DCC: variants seen among roughly 807,000 people sequenced by gnomAD.
DCC encodes the protein DCC netrin 1 receptor.
Under a neutral mutation model 172.5 loss-of-function variants are expected in DCC, and 58 were observed. That is an observed-to-expected ratio of 0.34 (90% confidence interval 0.27 to 0.42). DCC has a LOEUF of 0.42. Among genes scored for constraint, DCC ranks in the 10% least tolerant of loss-of-function variants. The pLI, the probability that DCC is intolerant of heterozygous loss-of-function variation, is 1.00. For missense variants in DCC, 1,740 were observed against 1,791.0 expected, an observed-to-expected ratio of 0.97 and a Z score of 0.51; for synonymous variants, 709 against 644.5, an observed-to-expected ratio of 1.10 and a Z score of -1.52.
chr18:53,130,095 G>C (rs900714869), intron 7 of DCC, among the ~76,000 whole-genome samples: 5 of 151,948 alleles, frequency 3.3e-5, no homozygotes, highest in African/African-American at 1.2e-4. Context: ...CTTTTTGCTT[G>C]TCTATTTTTC....
chr18:52,882,090 G>T (rs1333479091), intron 2 of DCC, among the ~76,000 whole-genome samples: 3 of 152,002 alleles, frequency 2.0e-5, no homozygotes, highest in Non-Finnish European at 4.4e-5. Context: ...TTCTTTTTCA[G>T]ATTGTTCAGT....
chr18:53,337,891 G>C (rs902589697), intron 14 of DCC, among the ~76,000 whole-genome samples: 2 of 152,164 alleles, frequency 1.3e-5, no homozygotes, highest in African/African-American at 4.8e-5. Context: ...AGATTTCCTT[G>C]CATAATTTGG....
chr18:52,867,330 T>C (rs9956644), intron 2 of DCC, among the ~76,000 whole-genome samples: 120,557 of 152,092 alleles, frequency 0.79, 49,551 homozygotes, highest in Non-Finnish European at 0.89. Flanking sequence ...GGATATTGGC[T>C]TGAAATTTTC....
chr18:52,620,311 A>T (rs2034455798), intron 1 of DCC, among the ~76,000 whole-genome samples: 1 of 152,184 alleles, frequency 6.6e-6, no homozygotes, highest in Admixed American at 6.5e-5. Context: ...GCAGGAAGGG[A>T]GCTACACTAA....
At chr18:52,469,673 C>T (rs571493804) in intron 1 of DCC, among the ~76,000 whole-genome samples, 1 of 152,256 alleles carries the variant, frequency 6.6e-6, no homozygotes, top group African/African-American at 2.4e-5. Flanking sequence ...TCAGGATATA[C>T]TAATTGTTGT....
intron 24 of DCC, among the ~76,000 whole-genome samples, chr18:53,461,384 A>G (rs34876540): frequency 0.45 from 68,202 of 150,796 alleles, 17,051 homozygotes; most frequent in Non-Finnish European, 0.58. Context: ...GGTAATGCCT[A>G]GGTTTTCTTC....
chr18:52,396,892 G>A (rs1986250692), intron 1 of DCC, among the ~76,000 whole-genome samples: 1 of 152,016 alleles, frequency 6.6e-6, no homozygotes, highest in Non-Finnish European at 1.5e-5. Context: ...GATCCTCTAA[G>A]AGAGGGCATA....
chr18:52,928,935 A>G (rs1255429986), intron 5 of DCC, among the ~76,000 whole-genome samples: 1 of 152,104 alleles, frequency 6.6e-6, no homozygotes, highest in Non-Finnish European at 1.5e-5. Context: ...AATGGAGAGC[A>G]CTTGCTCTCT....
chr18:52,352,992 G>C (rs926346713), intron 1 of DCC, among the ~76,000 whole-genome samples: 2 of 152,150 alleles, frequency 1.3e-5, no homozygotes. Flanking sequence ...ATAGGGAGGT[G>C]ATCCTTGCCT....
intron 5 of DCC, among the ~76,000 whole-genome samples, chr18:52,972,108 G>C (rs957581110): frequency 6.6e-6 from 1 of 152,146 alleles, no homozygotes; most frequent in Admixed American, 6.5e-5. Flanking sequence ...ATATGAACAT[G>C]AAAGAAACAA....
At chr18:53,167,924 A>G (rs1001602317) in intron 8 of DCC, among the ~76,000 whole-genome samples, 2 of 152,180 alleles carry the variant, frequency 1.3e-5, no homozygotes, top group Admixed American at 6.6e-5. Flanking sequence ...TTTGCCAAAC[A>G]GAGTCAGAAG....
chr18:53,415,181 A>ATAATG (rs1910235958), intron 20 of DCC, among the ~76,000 whole-genome samples: 1 of 152,312 alleles, frequency 6.6e-6, no homozygotes, highest in South Asian at 2.1e-4. Flanking sequence ...TAATAGCGCC[A>ATAATG]CATCTGATGA....
intron 22 of DCC, among the ~76,000 whole-genome samples, chr18:53,437,644 A>G (rs1912032375): frequency 1.3e-5 from 2 of 150,504 alleles, no homozygotes; most frequent in South Asian, 4.2e-4. Flanking sequence ...ACTTGTTGAG[A>G]CAGAAAACAG....
chr18:52,481,782 G>A lies in DCC; in HGVS notation c.91+140904G>A, dbSNP rs2029972386. Among the ~76,000 whole-genome samples the A allele has an allele frequency of 2.0e-5, 3 of 151,120 alleles. No homozygotes were observed. In the South Asian group the frequency reaches 6.2e-4, roughly 31 times the overall value. ...CTCAAGGTCCTCATCAGCAAAATGG[G>A]GATAATAACACCTCCCCATGAGATC... On this transcript the variant is annotated intron_variant, in intron 1 of 28. Coordinates refer to ENST00000442544, the MANE Select transcript of DCC (RefSeq NM_005215.4).
rs1255332181 is a variant in DCC at position 53,427,991 on chromosome 18, TATA to T, written c.3164-7146_3164-7144del. Among the ~76,000 whole-genome samples the T allele has an allele frequency of 1.6e-4, 13 of 80,940 alleles. 3 individuals are homozygous for T. Among genetic ancestry groups the T allele is most frequent in the Admixed American group, 6.2e-4 (3 of 4,856 alleles). The allele number at this position is 80,940 out of a possible 152,430, so 53.1% of individuals were successfully genotyped here. ...TAATATATAATATAATATAATATAT[TATA>T]ATAATATATAATATAATACTATAAT... On this transcript the variant is annotated intron_variant, in intron 21 of 28. Transcript: ENST00000442544.
chr18:52,819,265 C>T (rs922908345), intron 2 of DCC, among the ~76,000 whole-genome samples: 2 of 152,096 alleles, frequency 1.3e-5, no homozygotes, highest in African/African-American at 4.8e-5. Flanking sequence ...CTAAAATATG[C>T]TTTCACTGGT....
intron 11 of DCC, among the ~76,000 whole-genome samples, chr18:53,211,836 C>T (rs1338020432): frequency 6.6e-6 from 1 of 152,016 alleles, no homozygotes. Context: ...TCACTTGAGG[C>T]CAGAAGTTCG....
intron 1 of DCC, among the ~76,000 whole-genome samples, chr18:52,350,345 A>G (rs1984064293): frequency 6.6e-6 from 1 of 152,162 alleles, no homozygotes; most frequent in African/African-American, 2.4e-5. Flanking sequence ...ACATTTATTG[A>G]TTTGCGTATG....
In DCC at chr18:53,450,302, T is replaced by A. The variant is rs140560254; in HGVS notation, c.3230-198T>A. Among the ~76,000 whole-genome samples the A allele has an allele frequency of 1.4e-4, 21 of 152,258 alleles. No individual in the cohort carries two copies. In the East Asian group the frequency reaches 4.0e-3, roughly 29 times the overall value. On this transcript the variant is annotated intron_variant, in intron 22 of 28. Coordinates refer to ENST00000442544, the MANE Select transcript of DCC (RefSeq NM_005215.4). ...GAACGTTTCTCTATAAGGTTTTTTGTGCAGGCATAGGTTTTTATTTATATT... is the reference window on the plus strand; with the variant it reads ...GAACGTTTCTCTATAAGGTTTTTTGAGCAGGCATAGGTTTTTATTTATATT...
Sources: gnomAD v4.1 joint callset for allele counts (sites outside exome capture counted in the v4.1 genomes callset) on GRCh38, gnomAD v4.1.1 for gene constraint, MANE v1.5 for transcripts, NCBI Gene and HGNC (gene_info 2026-07-23, HGNC 2026-07-21) for gene names.